ASTN2: variants seen among roughly 807,000 people sequenced by gnomAD.
ASTN2 encodes the protein astrotactin 2.
Under a neutral mutation model 139.8 loss-of-function variants are expected in ASTN2, and 54 were observed. That is an observed-to-expected ratio of 0.39 (90% CI 0.31 to 0.48). ASTN2 has a LOEUF of 0.48. ASTN2 is among the 20% of genes least tolerant of loss of function. The pLI is 0.95. For synonymous variants in ASTN2, 756 were observed against 719.5 expected (o/e 1.05, Z -0.81); for missense variants, 1,565 against 1,725.1 (o/e 0.91, Z 1.64).
intron 6 of ASTN2, among the ~76,000 whole-genome samples, chr9:117,022,133 T>C (rs897949363): frequency 6.6e-6 from 1 of 152,146 alleles, no homozygotes; most frequent in African/African-American, 2.4e-5. Flanking sequence ...CATGGATATA[T>C]ACACATCAGA....
chr9:116,813,534 C>T (rs554464727), intron 12 of ASTN2, among the ~76,000 whole-genome samples: 86 of 152,288 alleles, frequency 5.6e-4, no homozygotes, highest in African/African-American at 2.0e-3. Context: ...TGACCTCTTC[C>T]TATCTGTTTG....
At chr9:116,705,003 G>T (rs1564223289) in intron 16 of ASTN2, among the ~76,000 whole-genome samples, 1 of 152,068 alleles carries the variant, frequency 6.6e-6, no homozygotes, top group African/African-American at 2.4e-5. Flanking sequence ...TAGATGGCTA[G>T]CTTCAAAGAA....
intron 1 of ASTN2, among the ~76,000 whole-genome samples, chr9:117,324,576 T>A (rs1370947290): frequency 6.6e-6 from 1 of 152,116 alleles, no homozygotes; most frequent in Non-Finnish European, 1.5e-5. Flanking sequence ...TCCCACTGGG[T>A]CCCTCCCTTG....
chr9:117,218,843 G>T (rs1280143084), intron 2 of ASTN2, among the ~76,000 whole-genome samples: 2 of 152,120 alleles, frequency 1.3e-5, no homozygotes, highest in Admixed American at 1.3e-4. Context: ...CTTGGACATA[G>T]AACTTAATTT....
At chr9:117,162,762 T>C (rs1830582020) in intron 3 of ASTN2, among the ~76,000 whole-genome samples, 1 of 152,030 alleles carries the variant, frequency 6.6e-6, no homozygotes, top group African/African-American at 2.4e-5. Context: ...TATGCATATG[T>C]TGGTTAGTTA....
chr9:117,092,029 A>T (rs944183565), intron 5 of ASTN2, among the ~76,000 whole-genome samples: 2 of 152,172 alleles, frequency 1.3e-5, no homozygotes, highest in Non-Finnish European at 2.9e-5. Flanking sequence ...GGAGATACTC[A>T]TTATTTTAAT....
chr9:117,080,699 G>T (rs1372545204), intron 5 of ASTN2, among the ~76,000 whole-genome samples: 3 of 152,106 alleles, frequency 2.0e-5, no homozygotes, highest in African/African-American at 7.2e-5. Context: ...CCACCAATAA[G>T]GTTGAAACAG....
At chr9:116,751,883 C>T (rs2132154972) in intron 13 of ASTN2, among the ~76,000 whole-genome samples, 1 of 152,242 alleles carries the variant, frequency 6.6e-6, no homozygotes, top group East Asian at 1.9e-4. Context: ...AAAGGAGATT[C>T]CCTGTTCATC....
chr9:116,682,474 C>T (rs1181631939), intron 16 of ASTN2, among the ~76,000 whole-genome samples: 1 of 152,202 alleles, frequency 6.6e-6, no homozygotes, highest in African/African-American at 2.4e-5. Context: ...GTGGCAATTC[C>T]TCAGGGATCT....
intron 19 of ASTN2, among the ~76,000 whole-genome samples, chr9:116,599,176 C>T (rs553410440): frequency 3.9e-5 from 6 of 152,318 alleles, no homozygotes; most frequent in Admixed American, 1.3e-4. Flanking sequence ...AGTCAACTCT[C>T]CTGCCTACTG....
intron 1 of ASTN2, among the ~76,000 whole-genome samples, chr9:117,301,002 A>G (rs1330523749): frequency 1.3e-5 from 2 of 152,196 alleles, no homozygotes; most frequent in East Asian, 3.9e-4. Flanking sequence ...CAGTGAAGAT[A>G]AATAATACAG....
chr9:117,310,267 G>A (rs2130813828), intron 1 of ASTN2, among the ~76,000 whole-genome samples: 1 of 152,224 alleles, frequency 6.6e-6, no homozygotes, highest in East Asian at 1.9e-4. Flanking sequence ...AGCCCCAGGG[G>A]TGGAAGGCTT....
intron 20 of ASTN2, among the ~76,000 whole-genome samples, chr9:116,448,729 G>A (rs13285810): frequency 0.56 from 85,751 of 152,056 alleles, 25,401 homozygotes; most frequent in Non-Finnish European, 0.67. Context: ...GGGATTGTGA[G>A]AATGAAATCA....
At chr9:116,912,589 C>T (rs1250375482) in intron 10 of ASTN2, among the ~76,000 whole-genome samples, 1 of 152,174 alleles carries the variant, frequency 6.6e-6, no homozygotes. Flanking sequence ...GGGATTTCTT[C>T]CCCCTGAAGT....
At chr9:116,438,298 T>C (rs555418141) in intron 22 of ASTN2, among the ~76,000 whole-genome samples, 24 of 152,206 alleles carry the variant, frequency 1.6e-4, no homozygotes, top group Non-Finnish European at 3.1e-4. Context: ...GGTCTGATAA[T>C]ATTACTCCTT....
intron 2 of ASTN2, among the ~76,000 whole-genome samples, chr9:117,230,126 A>AG: frequency 6.6e-6 from 1 of 151,678 alleles, no homozygotes; most frequent in African/African-American, 2.4e-5. Flanking sequence ...TAAAAAAAAA[A>AG]AAAAGCCCTA....
intron 4 of ASTN2, among the ~76,000 whole-genome samples, chr9:117,114,887 T>A (rs1035304896): frequency 2.6e-5 from 4 of 152,108 alleles, no homozygotes; most frequent in African/African-American, 9.7e-5. Flanking sequence ...CCAGTCAACA[T>A]CCCCATTGGA....
At chr9:116,603,491 T>C (rs573933523) in intron 19 of ASTN2, among the ~76,000 whole-genome samples, 19 of 152,292 alleles carry the variant, frequency 1.2e-4, no homozygotes, top group Admixed American at 5.2e-4. Flanking sequence ...ACTGGATTGT[T>C]GGACAGAAAA....
chr9:117,137,859 T>C (rs531376950), intron 4 of ASTN2, among the ~76,000 whole-genome samples: 13 of 152,170 alleles, frequency 8.5e-5, no homozygotes, highest in Non-Finnish European at 1.6e-4. Context: ...ATCACAAGCA[T>C]ACTGTGATTA....
Sources: gnomAD v4.1 joint callset for allele counts (sites outside exome capture counted in the v4.1 genomes callset) on GRCh38, gnomAD v4.1.1 for gene constraint, MANE v1.5 for transcripts, NCBI Gene and HGNC (gene_info 2026-07-23, HGNC 2026-07-21) for gene names.